Variants in IPCEF1 observed in about 807,000 individuals in gnomAD.
The protein encoded by IPCEF1 is interactor protein for cytohesin exchange factors 1.
In IPCEF1, 31 loss-of-function variants were observed where a neutral mutation model predicts 50.9. The observed-to-expected ratio is 0.61, with a 90% CI of 0.46 to 0.82. The LOEUF (loss-of-function observed/expected upper bound fraction) is 0.82. Among genes scored for constraint, IPCEF1 ranks in the 40% least tolerant of loss-of-function variants. The probability of loss-of-function intolerance (pLI) is 0.00; values close to 1 mark genes in which losing one functional copy is unlikely to be tolerated. For missense variants in IPCEF1, 458 were observed against 514.0 expected (o/e 0.89, Z 1.05); for synonymous variants, 181 against 192.0 (o/e 0.94, Z 0.47).
intron 1 of IPCEF1, among the ~76,000 whole-genome samples, chr6:154,353,096 A>G (rs1419704365): frequency 1.3e-5 from 2 of 152,122 alleles, no homozygotes; most frequent in Non-Finnish European, 2.9e-5. Context: ...GAGTTGACAC[A>G]TGATTCTGCA....
intron 10 of IPCEF1, among the ~76,000 whole-genome samples, chr6:154,195,950 C>T (rs1329699249): frequency 1.3e-5 from 2 of 151,950 alleles, no homozygotes; most frequent in Non-Finnish European, 2.9e-5. Context: ...TGCCACCATA[C>T]CTGGCTAATT....
chr6:154,243,408 C>A (rs372597505), intron 5 of IPCEF1, among the ~76,000 whole-genome samples: 4 of 152,270 alleles, frequency 2.6e-5, no homozygotes, highest in African/African-American at 9.6e-5. Flanking sequence ...CTGGACTTGA[C>A]CTTTCTCAAT....
chr6:154,179,902 C>T (rs12190910), intron 10 of IPCEF1, among the ~76,000 whole-genome samples: 11,951 of 152,122 alleles, frequency 0.079, 967 homozygotes, highest in East Asian at 0.42. Flanking sequence ...TTGAGTTCAT[C>T]TGGGATTGTG....
At chr6:154,285,613 G>A (rs1290309683) in intron 2 of IPCEF1, among the ~76,000 whole-genome samples, 3 of 152,118 alleles carry the variant, frequency 2.0e-5, no homozygotes, top group East Asian at 1.9e-4. Flanking sequence ...CTTTCAGCTA[G>A]TTCCTTTTTT....
chr6:154,165,573 A>G (rs1251438060), intron 11 of IPCEF1, among the ~76,000 whole-genome samples: 1 of 152,144 alleles, frequency 6.6e-6, no homozygotes, highest in South Asian at 2.1e-4. Context: ...CGAGGGATCT[A>G]TGGAAAGGGC....
Position 154,221,256 on chromosome 6 carries a change from C to A in IPCEF1, c.392+1G>T. ...GGGGTTTACCAGTTTCCTCTACTTA[C>A]ACGTTCATTTCCTGCACATTCTCAG... On this transcript the variant is annotated splice_donor_variant, in intron 7 of 11. Coordinates refer to ENST00000367220, the MANE Select transcript of IPCEF1 (RefSeq NM_001130700.2). LOFTEE classifies it high-confidence loss of function. 6.2e-7 allele frequency: 1 copy of A among 1,613,172 alleles called. No individual in the cohort carries two copies. The highest frequency in any genetic ancestry group is 8.5e-7 in the Non-Finnish European group (1 of 1,179,254).
chr6:154,307,096 T>C (rs1384358195), intron 1 of IPCEF1, among the ~76,000 whole-genome samples: 1 of 152,142 alleles, frequency 6.6e-6, no homozygotes, highest in Admixed American at 6.6e-5. Context: ...TTTAACTTAA[T>C]TACTTTTCTA....
At chr6:154,275,831 G>A (rs1263219073) in intron 2 of IPCEF1, among the ~76,000 whole-genome samples, 1 of 152,136 alleles carries the variant, frequency 6.6e-6, no homozygotes, top group Non-Finnish European at 1.5e-5. Flanking sequence ...TGCACCCATT[G>A]CTCTAGAGTT....
At chr6:154,353,942 T>C (rs1784160709) in intron 1 of IPCEF1, among the ~76,000 whole-genome samples, 2 of 152,220 alleles carry the variant, frequency 1.3e-5, no homozygotes, top group Non-Finnish European at 2.9e-5. Flanking sequence ...AAATTAATGA[T>C]TCTTTTAAAA....
chr6:154,205,746 AG>A (rs1777441906), intron 9 of IPCEF1, among the ~76,000 whole-genome samples: 1 of 152,242 alleles, frequency 6.6e-6, no homozygotes, highest in Admixed American at 6.5e-5. Context: ...AACTGCAATT[AG>A]GACAAGGTGC....
chr6:154,256,906 A>G (rs142509188), intron 3 of IPCEF1, among the ~76,000 whole-genome samples: 9 of 152,336 alleles, frequency 5.9e-5, no homozygotes, highest in African/African-American at 2.2e-4. Context: ...TCAACACTTT[A>G]TTATAAAATA....
intron 1 of IPCEF1, among the ~76,000 whole-genome samples, chr6:154,309,572 G>A (rs1783023325): frequency 6.6e-6 from 1 of 151,942 alleles, no homozygotes; most frequent in Admixed American, 6.6e-5. Flanking sequence ...TGCTGGGGAG[G>A]TGCCGCCCTC....
chr6:154,190,398 G>A (rs1348080696), intron 10 of IPCEF1, among the ~76,000 whole-genome samples: 1 of 152,078 alleles, frequency 6.6e-6, no homozygotes, highest in Admixed American at 6.6e-5. Flanking sequence ...TAGCAAAAAA[G>A]CGTATGAAAA....
intron 2 of IPCEF1, among the ~76,000 whole-genome samples, chr6:154,270,867 T>C (rs1157317098): frequency 1.3e-5 from 2 of 151,964 alleles, no homozygotes; most frequent in Non-Finnish European, 2.9e-5. Flanking sequence ...TCCCAGCTAC[T>C]AGGGAGGCTG....
intron 1 of IPCEF1, among the ~76,000 whole-genome samples, chr6:154,328,207 C>T (rs117710309): frequency 2.0e-3 from 305 of 152,168 alleles, no homozygotes; most frequent in Middle Eastern, 0.01. Flanking sequence ...CCTGTACGTG[C>T]ACCCCTGAAC....
intron 11 of IPCEF1, among the ~76,000 whole-genome samples, chr6:154,161,204 C>A (rs539868368): frequency 8.1e-4 from 122 of 150,664 alleles, no homozygotes; most frequent in African/African-American, 2.7e-3. Flanking sequence ...CAATTTTTTT[C>A]TTTTCTTTTC....
chr6:154,328,204 G>A (rs868269798), intron 1 of IPCEF1, among the ~76,000 whole-genome samples: 9 of 152,134 alleles, frequency 5.9e-5, no homozygotes, highest in South Asian at 4.1e-4. Flanking sequence ...CATCCTGTAC[G>A]TGCACCCCTG....
chr6:154,355,879 C>T (rs1784209486), intron 1 of IPCEF1, among the ~76,000 whole-genome samples: 1 of 151,930 alleles, frequency 6.6e-6, no homozygotes, highest in East Asian at 1.9e-4. Flanking sequence ...TCTCAAACTC[C>T]TGACCTCAAG....
At chr6:154,222,384 C>G (rs1346577568) in intron 6 of IPCEF1, among the ~76,000 whole-genome samples, 3 of 152,216 alleles carry the variant, frequency 2.0e-5, no homozygotes, top group African/African-American at 7.2e-5. Context: ...TAAAAGAAAA[C>G]TACTCAATTG....
Sources: gnomAD v4.1 joint callset for allele counts (sites outside exome capture counted in the v4.1 genomes callset) on GRCh38, gnomAD v4.1.1 for gene constraint, MANE v1.5 for transcripts, NCBI Gene and HGNC (gene_info 2026-07-23, HGNC 2026-07-21) for gene names.